The following ERBB4 variants were observed in gnomAD, a reference collection of about 807,000 sequenced individuals.
ERBB4 encodes the protein erb-b2 receptor tyrosine kinase 4, also known as receptor tyrosine-protein kinase erbB-4.
In ERBB4, 42 loss-of-function variants were observed where a neutral mutation model predicts 158.0. The observed-to-expected ratio is 0.27, with a 90% CI of 0.21 to 0.34. The LOEUF is 0.34. ERBB4 is among the 10% of genes least tolerant of loss of function. ERBB4 has a pLI of 1.00. For synonymous variants in ERBB4, 583 were observed against 558.7 expected, an observed-to-expected ratio of 1.04 and a Z score of -0.61; for missense variants, 1,333 against 1,624.1, an observed-to-expected ratio of 0.82 and a Z score of 3.08.
intron 2 of ERBB4, among the ~76,000 whole-genome samples, chr2:212,111,612 C>T (rs1478560893): frequency 6.8e-6 from 1 of 147,934 alleles, no homozygotes; most frequent in Non-Finnish European, 1.5e-5. Context: ...ACCTAGAATA[C>T]CTTCTCCTTT....
At chr2:211,489,420 C>G (rs2065283506) in intron 20 of ERBB4, among the ~76,000 whole-genome samples, 1 of 151,816 alleles carries the variant, frequency 6.6e-6, no homozygotes, top group South Asian at 2.1e-4. Flanking sequence ...ACAATAATAC[C>G]AATCTCAAAG....
intron 20 of ERBB4, among the ~76,000 whole-genome samples, chr2:211,520,180 C>T (rs960816778): frequency 5.3e-5 from 8 of 152,096 alleles, no homozygotes; most frequent in Admixed American, 1.3e-4. Flanking sequence ...AAGTCCATCC[C>T]AGTTCATTCA....
chr2:212,301,434 A>C (rs1479464266), intron 1 of ERBB4, among the ~76,000 whole-genome samples: 1 of 151,474 alleles, frequency 6.6e-6, no homozygotes. Flanking sequence ...ACTGAACAAA[A>C]TACGAGCACT....
intron 16 of ERBB4, among the ~76,000 whole-genome samples, chr2:211,631,480 T>C (rs548959589): frequency 6.0e-4 from 92 of 152,150 alleles, no homozygotes; most frequent in Non-Finnish European, 1.2e-3. Context: ...AAGCATTACA[T>C]AAAAAGTGGT....
chr2:211,478,756 T>C (rs1006008714), intron 20 of ERBB4, among the ~76,000 whole-genome samples: 2 of 152,064 alleles, frequency 1.3e-5, no homozygotes, highest in African/African-American at 4.8e-5. Context: ...ACCTCTTTTC[T>C]AACTCTTATG....
intron 1 of ERBB4, among the ~76,000 whole-genome samples, chr2:212,322,261 A>C (rs2087600741): frequency 6.7e-6 from 1 of 150,362 alleles, no homozygotes; most frequent in African/African-American, 2.4e-5. Context: ...AAATAACTTC[A>C]CCAACTTGAT....
intron 4 of ERBB4, among the ~76,000 whole-genome samples, chr2:211,758,698 G>A (rs541430416): frequency 6.6e-6 from 1 of 152,330 alleles, no homozygotes; most frequent in Admixed American, 6.5e-5. Flanking sequence ...CACTTACTAT[G>A]AGCTTGCCAG....
chr2:211,507,644 G>T (rs921813089), intron 20 of ERBB4, among the ~76,000 whole-genome samples: 12 of 151,866 alleles, frequency 7.9e-5, no homozygotes, highest in Non-Finnish European at 2.9e-5. Flanking sequence ...TAAGCAATGA[G>T]GACAGGACTT....
intron 5 of ERBB4, among the ~76,000 whole-genome samples, chr2:211,726,097 A>G (rs2074256369): frequency 6.6e-6 from 1 of 152,302 alleles, no homozygotes; most frequent in African/African-American, 2.4e-5. Context: ...TTTACAGGAT[A>G]TGTATAGTAT....
intron 1 of ERBB4, among the ~76,000 whole-genome samples, chr2:212,337,600 G>C (rs754352639): frequency 6.6e-6 from 1 of 152,022 alleles, no homozygotes; most frequent in African/African-American, 2.4e-5. Context: ...TCACCCCAGA[G>C]GAGTCACATT....
At chr2:212,293,459 C>A (rs1467718885) in intron 1 of ERBB4, among the ~76,000 whole-genome samples, 2 of 152,010 alleles carry the variant, frequency 1.3e-5, no homozygotes, top group African/African-American at 4.8e-5. Context: ...CTGACACAGA[C>A]AACAAACCTT....
At chr2:212,022,643 A>G (rs2076680003) in intron 2 of ERBB4, among the ~76,000 whole-genome samples, 1 of 152,064 alleles carries the variant, frequency 6.6e-6, no homozygotes, top group South Asian at 2.1e-4. Context: ...ACATTTACCT[A>G]TGTAACAAAC....
chr2:211,849,662 T>C (rs1306403382), intron 3 of ERBB4, among the ~76,000 whole-genome samples: 1 of 151,990 alleles, frequency 6.6e-6, no homozygotes, highest in Non-Finnish European at 1.5e-5. Flanking sequence ...TTCTTTCTTT[T>C]AAGGCAATAT....
intron 25 of ERBB4, among the ~76,000 whole-genome samples, chr2:211,390,533 G>A (rs1175994361): frequency 1.3e-5 from 2 of 152,162 alleles, no homozygotes; most frequent in South Asian, 2.1e-4. Flanking sequence ...AACCTGAGAC[G>A]TAAACAATCA....
In ERBB4 at chr2:212,071,322, A is replaced by T. The variant is rs903692378; in HGVS notation, c.234+53430T>A. Among the ~76,000 whole-genome samples, 8 of 151,978 alleles carry T rather than the reference A, an allele frequency of 5.3e-5. No individual in the cohort carries two copies. The East Asian group carries it at 9.7e-4, about 18-fold the overall frequency. On this transcript the variant is annotated intron_variant, in intron 2 of 27. Coordinates refer to ENST00000342788, the MANE Select transcript of ERBB4 (RefSeq NM_005235.3). Reference sequence around the variant, plus strand: ...AGCAGACAGAAGAAATGAAAAAAAAAAAACCCACTCAGAAACACAGTTTAA... The same window carrying T: ...AGCAGACAGAAGAAATGAAAAAAAATAAACCCACTCAGAAACACAGTTTAA...
intron 2 of ERBB4, among the ~76,000 whole-genome samples, chr2:212,003,118 AAGGAAG>A (rs1559292076): frequency 0.025 from 394 of 15,638 alleles, 25 homozygotes; most frequent in Middle Eastern, 0.094. Flanking sequence ...AGAAAGAAGG[AAGGAAG>A]GAAGGAAGGA....
At chr2:211,604,840 T>C (rs879263232) in intron 19 of ERBB4, among the ~76,000 whole-genome samples, 1 of 152,198 alleles carries the variant, frequency 6.6e-6, no homozygotes, top group South Asian at 2.1e-4. Flanking sequence ...CTTCATTTAC[T>C]ATCCACAAAA....
chr2:211,576,584 A>C (rs1291871748), intron 19 of ERBB4, among the ~76,000 whole-genome samples: 1 of 152,164 alleles, frequency 6.6e-6, no homozygotes, highest in Non-Finnish European at 1.5e-5. Flanking sequence ...TCTTTCATTC[A>C]TTAATTTATT....
chr2:211,725,815 C>A (rs938710773), intron 5 of ERBB4, among the ~76,000 whole-genome samples: 9 of 132,114 alleles, frequency 6.8e-5, no homozygotes, highest in Admixed American at 2.4e-4. Context: ...ATATTTTACA[C>A]GAGGAAAGAA....
Sources: allele counts gnomAD v4.1 joint callset (sites outside exome capture counted in the v4.1 genomes callset), GRCh38; gene constraint gnomAD v4.1.1; transcripts MANE v1.5; gene names NCBI Gene and HGNC (gene_info 2026-07-23, HGNC 2026-07-21).